KCNB2: variants seen among roughly 807,000 people sequenced by gnomAD.
The protein encoded by KCNB2 is potassium voltage-gated channel subfamily B member 2, also known as delayed rectifier potassium channel protein.
In KCNB2, 15 loss-of-function variants were observed where a neutral mutation model predicts 61.5. The ratio of observed to expected loss-of-function variants is 0.24; its 90% CI spans 0.16 to 0.38. The LOEUF is 0.38. KCNB2 is among the 10% of genes least tolerant of loss of function. The pLI, the probability that KCNB2 is intolerant of heterozygous loss-of-function variation, is 1.00. For missense variants in KCNB2, 828 were observed against 1,125.2 expected (o/e 0.74, Z 3.78); for synonymous variants, 457 against 446.0 (o/e 1.02, Z -0.31).
chr8:72,754,549 A>G (rs1808253231), intron 2 of KCNB2, among the ~76,000 whole-genome samples: 1 of 152,146 alleles, frequency 6.6e-6, no homozygotes, highest in South Asian at 2.1e-4. Context: ...TTAGCCCTGA[A>G]TGTAGGTGCA....
chr8:72,896,290 G>T (rs190022833), intron 2 of KCNB2, among the ~76,000 whole-genome samples: 1 of 152,152 alleles, frequency 6.6e-6, no homozygotes, highest in African/African-American at 2.4e-5. Context: ...CCTTACACTG[G>T]GAATTATTGT....
chr8:72,539,026 T>G (rs917864942), intron 1 of KCNB2, among the ~76,000 whole-genome samples: 1 of 152,078 alleles, frequency 6.6e-6, no homozygotes, highest in African/African-American at 2.4e-5. Flanking sequence ...TAAAGTTACA[T>G]ATCAAGAAAA....
chr8:72,702,903 C>T (rs1340415996), intron 2 of KCNB2, among the ~76,000 whole-genome samples: 1 of 152,188 alleles, frequency 6.6e-6, no homozygotes, highest in Non-Finnish European at 1.5e-5. Context: ...CGTGGCATGT[C>T]TTTCCATCTG....
At chr8:72,922,355 T>C (rs1475761141) in intron 2 of KCNB2, among the ~76,000 whole-genome samples, 1 of 152,230 alleles carries the variant, frequency 6.6e-6, no homozygotes, top group Non-Finnish European at 1.5e-5. Flanking sequence ...CACTCTGAGC[T>C]TTTGGATGTA....
At chr8:72,817,306 C>G (rs186014126) in intron 2 of KCNB2, among the ~76,000 whole-genome samples, 19 of 152,186 alleles carry the variant, frequency 1.2e-4, no homozygotes, top group Admixed American at 4.6e-4. Flanking sequence ...CCGTACACCC[C>G]CTCACCGAGC....
At chr8:72,772,860 T>C (rs575337958) in intron 2 of KCNB2, among the ~76,000 whole-genome samples, 29 of 152,196 alleles carry the variant, frequency 1.9e-4, no homozygotes, top group Non-Finnish European at 4.0e-4. Context: ...AACTCCATTT[T>C]AGGTTAGGTG....
chr8:72,703,381 G>A (rs1342537488), intron 2 of KCNB2, among the ~76,000 whole-genome samples: 1 of 152,172 alleles, frequency 6.6e-6, no homozygotes, highest in Non-Finnish European at 1.5e-5. Flanking sequence ...ACAGAGAGCT[G>A]GACTGGGCAG....
chr8:72,754,694 G>A (rs1808255669), intron 2 of KCNB2, among the ~76,000 whole-genome samples: 1 of 152,148 alleles, frequency 6.6e-6, no homozygotes, highest in Non-Finnish European at 1.5e-5. Flanking sequence ...GACAAACTGT[G>A]GTCGAAAAGT....
At chr8:72,664,466 T>G (rs1806434203) in intron 2 of KCNB2, among the ~76,000 whole-genome samples, 2 of 152,238 alleles carry the variant, frequency 1.3e-5, no homozygotes, top group Admixed American at 1.3e-4. Flanking sequence ...TCATCATCTC[T>G]GGTTCGATTA....
At chr8:72,821,372 T>TG (rs1020005759) in intron 2 of KCNB2, among the ~76,000 whole-genome samples, 5 of 152,116 alleles carry the variant, frequency 3.3e-5, no homozygotes, top group African/African-American at 1.2e-4. Context: ...TTGCAGGGGT[T>TG]GGGGCAGCAC....
At chr8:72,772,184 A>G (rs199801271) in intron 2 of KCNB2, among the ~76,000 whole-genome samples, 1 of 152,182 alleles carries the variant, frequency 6.6e-6, no homozygotes, top group African/African-American at 2.4e-5. Flanking sequence ...CATTGGCTGG[A>G]GGACCCTGAG....
chr8:72,682,638 G>C (rs1806779991), intron 2 of KCNB2, among the ~76,000 whole-genome samples: 1 of 151,480 alleles, frequency 6.6e-6, no homozygotes, highest in African/African-American at 2.4e-5. Context: ...CTGTTTCCCA[G>C]GATGGAATGC....
At chr8:72,799,483 T>C (rs965953676) in intron 2 of KCNB2, among the ~76,000 whole-genome samples, 1 of 152,116 alleles carries the variant, frequency 6.6e-6, no homozygotes, top group African/African-American at 2.4e-5. Context: ...ATTCACACTT[T>C]TAAACAAAAA....
At chr8:72,835,141 C>G (rs774435086) in intron 2 of KCNB2, among the ~76,000 whole-genome samples, 2 of 152,198 alleles carry the variant, frequency 1.3e-5, no homozygotes, top group Non-Finnish European at 2.9e-5. Context: ...CAAATTCTGA[C>G]CAAAACCACT....
chr8:72,598,704 A>ATT (rs1807239253), intron 2 of KCNB2, among the ~76,000 whole-genome samples: 1 of 152,244 alleles, frequency 6.6e-6, no homozygotes, highest in Non-Finnish European at 1.5e-5. Context: ...AGAAAATCCC[A>ATT]GCATCTCAGC....
intron 2 of KCNB2, among the ~76,000 whole-genome samples, chr8:72,762,644 T>C (rs1037681835): frequency 2.0e-5 from 3 of 152,108 alleles, no homozygotes; most frequent in African/African-American, 4.8e-5. Context: ...ATTATTCATA[T>C]CCATTCATAG....
Position 72,826,245 on chromosome 8 carries a change from A to T in KCNB2, c.580-109690A>T, listed in dbSNP as rs554812838. Among the ~76,000 whole-genome samples, 6 of 152,308 alleles carry T rather than the reference A, an allele frequency of 3.9e-5. No individual in the cohort carries two copies. The East Asian group carries it at 1.2e-3, about 29-fold the overall frequency. On this transcript the variant is annotated intron_variant, in intron 2 of 2. Transcript: ENST00000523207. ...GAGGCTGGAAGAGTCTAATTCTAACATCTGTTGATGGGAAGTATCTACAGG... is the reference window on the plus strand; with the variant it reads ...GAGGCTGGAAGAGTCTAATTCTAACTTCTGTTGATGGGAAGTATCTACAGG...
chr8:72,718,118 T>C (rs1194233246), intron 2 of KCNB2, among the ~76,000 whole-genome samples: 8 of 151,950 alleles, frequency 5.3e-5, no homozygotes, highest in South Asian at 4.2e-4. Flanking sequence ...AATGAGATAC[T>C]ATCTCACACC....
At chr8:72,813,732 A>G (rs1809344341) in intron 2 of KCNB2, among the ~76,000 whole-genome samples, 1 of 152,244 alleles carries the variant, frequency 6.6e-6, no homozygotes, top group African/African-American at 2.4e-5. Context: ...CAAATTAAGC[A>G]TTCCCATAGA....
Sources: gnomAD v4.1 joint callset for allele counts (sites outside exome capture counted in the v4.1 genomes callset) on GRCh38, gnomAD v4.1.1 for gene constraint, MANE v1.5 for transcripts, NCBI Gene and HGNC (gene_info 2026-07-23, HGNC 2026-07-21) for gene names.